Variants in NBEA observed in about 807,000 individuals in gnomAD.
The protein encoded by NBEA is neurobeachin, also known as lysosomal-trafficking regulator 2.
NBEA carries 44 observed loss-of-function variants against 343.4 expected under a neutral mutation model. That is an observed-to-expected ratio of 0.13 (90% confidence interval 0.10 to 0.16). The LOEUF (loss-of-function observed/expected upper bound fraction) is 0.16, where lower values mean the gene tolerates loss of function less well. Among genes scored for constraint, NBEA ranks in the 10% least tolerant of loss-of-function variants. The pLI, the probability that NBEA is intolerant of heterozygous loss-of-function variation, is 1.00. For missense variants in NBEA, 2,555 were observed against 3,631.3 expected (o/e 0.70, Z 7.62); for synonymous variants, 1,175 against 1,238.7 (o/e 0.95, Z 1.08).
At chr13:34,994,316 T>C (rs1002641202) in intron 1 of NBEA, among the ~76,000 whole-genome samples, 15 of 152,082 alleles carry the variant, frequency 9.9e-5, no homozygotes, top group African/African-American at 3.6e-4. Context: ...ATTTTAATTA[T>C]GTGGAACGAG....
chr13:35,297,481 A>G (rs1291888367), intron 35 of NBEA, among the ~76,000 whole-genome samples: 2 of 152,036 alleles, frequency 1.3e-5, no homozygotes, highest in African/African-American at 4.8e-5. Flanking sequence ...GCCAATGGAG[A>G]AAATAAGTAT....
At chr13:35,436,858 T>C (rs1369178091) in intron 39 of NBEA, among the ~76,000 whole-genome samples, 1 of 152,202 alleles carries the variant, frequency 6.6e-6, no homozygotes, top group Non-Finnish European at 1.5e-5. Flanking sequence ...TAGATGGAAC[T>C]TTCAGAATGT....
rs535475076 is a variant in NBEA at position 35,051,650 on chromosome 13, C to A, written c.972+1255C>A. 3.3e-5 allele frequency among the ~76,000 whole-genome samples: 5 copies of A among 151,800 alleles called. No homozygotes were observed. In the East Asian group the frequency reaches 7.8e-4, roughly 24 times the overall value. On this transcript the variant is annotated intron_variant, in intron 6 of 58. Coordinates refer to ENST00000379939, the MANE Select transcript of NBEA (RefSeq NM_001385012.1). ...ATGGTGTATTCTTTCTTTTTTAATA[C>A]AAATTGATTATTTTAATACCAATCA...
At chr13:35,601,503 C>G (rs2082044022) in intron 47 of NBEA, among the ~76,000 whole-genome samples, 1 of 151,990 alleles carries the variant, frequency 6.6e-6, no homozygotes, top group African/African-American at 2.4e-5. Flanking sequence ...GTGGCTCATG[C>G]CTGTAATCCC....
chr13:34,967,338 T>C (rs1208535137), intron 1 of NBEA, among the ~76,000 whole-genome samples: 1 of 151,772 alleles, frequency 6.6e-6, no homozygotes, highest in Non-Finnish European at 1.5e-5. Context: ...GTACTATTTT[T>C]TTCTTTTACC....
intron 31 of NBEA, among the ~76,000 whole-genome samples, chr13:35,201,271 T>G (rs1328625296): frequency 1.3e-5 from 2 of 152,102 alleles, no homozygotes; most frequent in African/African-American, 4.8e-5. Flanking sequence ...TATAGAGAGC[T>G]GAATAAAGTT....
intron 1 of NBEA, among the ~76,000 whole-genome samples, chr13:35,004,501 A>G (rs915900132): frequency 3.9e-5 from 6 of 152,232 alleles, no homozygotes; most frequent in African/African-American, 1.4e-4. Context: ...AGACTCTGGT[A>G]TGCTGCTACC....
At chr13:35,237,212 A>G (rs546206319) in intron 34 of NBEA, among the ~76,000 whole-genome samples, 2 of 152,114 alleles carry the variant, frequency 1.3e-5, no homozygotes, top group South Asian at 2.1e-4. Context: ...CCACGATCGT[A>G]CCACTGCACT....
chr13:35,397,275 C>G (rs576637694), intron 38 of NBEA, among the ~76,000 whole-genome samples: 181 of 152,298 alleles, frequency 1.2e-3, no homozygotes, highest in Non-Finnish European at 7.9e-4. Context: ...CAGGCTGTCT[C>G]TACTGTCAGT....
rs1350460136 is a variant in NBEA, at chr13:35,051,793, G to T, written c.972+1398G>T. Among the ~76,000 whole-genome samples the T allele has an allele frequency of 2.6e-5, 4 of 152,028 alleles. No homozygotes were observed. The East Asian group carries it at 7.7e-4, about 29-fold the overall frequency. On this transcript the variant is annotated intron_variant, in intron 6 of 58. Coordinates refer to ENST00000379939, the MANE Select transcript of NBEA (RefSeq NM_001385012.1). ...GAATAGATTAGAAGTACAGTTGTTG[G>T]TATTATAATTTTTCATGTTAGGATT...
chr13:35,223,672 C>T (rs1481398990), intron 33 of NBEA, among the ~76,000 whole-genome samples: 1 of 152,106 alleles, frequency 6.6e-6, no homozygotes, highest in East Asian at 1.9e-4. Context: ...TTTATGACTT[C>T]ATTGTTTTTG....
chr13:35,637,310 T>C (rs2083733575), intron 49 of NBEA, among the ~76,000 whole-genome samples: 1 of 152,274 alleles, frequency 6.6e-6, no homozygotes, highest in South Asian at 2.1e-4. Flanking sequence ...AGTGAGGATG[T>C]AGAGAAACTG....
chr13:35,463,412 C>G (rs1487344648), intron 40 of NBEA, among the ~76,000 whole-genome samples: 1 of 152,174 alleles, frequency 6.6e-6, no homozygotes, highest in Non-Finnish European at 1.5e-5. Context: ...CGCTTAAGCT[C>G]AGGAGTTCGA....
intron 1 of NBEA, among the ~76,000 whole-genome samples, chr13:34,963,639 A>G (rs1412870302): frequency 3.9e-5 from 6 of 151,914 alleles, no homozygotes; most frequent in African/African-American, 4.8e-5. Flanking sequence ...ACAGTTTTCT[A>G]TTTGTAAACC....
chr13:35,384,805 C>T (rs1208663722), intron 38 of NBEA, among the ~76,000 whole-genome samples: 3 of 152,052 alleles, frequency 2.0e-5, no homozygotes, highest in Admixed American at 6.6e-5. Flanking sequence ...GGATTATAGG[C>T]GTGAGCCACC....
At chr13:35,154,461 G>C (rs1472986977) in intron 18 of NBEA, among the ~76,000 whole-genome samples, 1 of 152,142 alleles carries the variant, frequency 6.6e-6, no homozygotes, top group Non-Finnish European at 1.5e-5. Context: ...GATATAAAAT[G>C]ATGTCTGTAT....
At chr13:35,551,771 G>A (rs7986204) in intron 43 of NBEA, among the ~76,000 whole-genome samples, 137,112 of 152,198 alleles carry the variant, frequency 0.9, 62,411 homozygotes, top group East Asian at 1. Context: ...CAAAATCACC[G>A]CTACTTCTTC....
intron 1 of NBEA, among the ~76,000 whole-genome samples, chr13:35,018,398 CTTG>C (rs2061724914): frequency 6.6e-6 from 1 of 151,976 alleles, no homozygotes; most frequent in Non-Finnish European, 1.5e-5. Context: ...TTTCTTTTCT[CTTG>C]TTATTATTTT....
rs543657221 is a variant in NBEA, at chr13:35,614,356, A to G, written c.7449+7778A>G. On this transcript the variant is annotated intron_variant, in intron 48 of 58. Coordinates refer to ENST00000379939, the MANE Select transcript of NBEA (RefSeq NM_001385012.1). ...CCTGAGTACCCATTGTTATTCCATGAAGTGATATAATTCCATATCTATTAT... is the reference window on the plus strand; with the variant it reads ...CCTGAGTACCCATTGTTATTCCATGGAGTGATATAATTCCATATCTATTAT... Among the ~76,000 whole-genome samples, 101 of 152,302 alleles carry G rather than the reference A, an allele frequency of 6.6e-4. No homozygotes were observed. The South Asian group carries it at 0.021, about 31-fold the overall frequency.
Sources: gnomAD v4.1 joint callset for allele counts (sites outside exome capture counted in the v4.1 genomes callset) on GRCh38, gnomAD v4.1.1 for gene constraint, MANE v1.5 for transcripts, NCBI Gene and HGNC (gene_info 2026-07-23, HGNC 2026-07-21) for gene names.